The following ARHGAP1 variants were observed in gnomAD, a reference collection of about 807,000 sequenced individuals.
The protein encoded by ARHGAP1 is rho GTPase-activating protein 1.
Under a neutral mutation model 52.2 loss-of-function variants are expected in ARHGAP1, and 23 were observed. That is an observed-to-expected ratio of 0.44 (90% CI 0.32 to 0.62). The LOEUF is 0.62. Ranked by LOEUF, ARHGAP1 falls within the 20% of genes least tolerant of loss-of-function variation. The probability of loss-of-function intolerance (pLI) is 0.05; values close to 1 mark genes in which losing one functional copy is unlikely to be tolerated. For missense variants in ARHGAP1, 480 were observed against 560.9 expected (o/e 0.86, Z 1.46); for synonymous variants, 210 against 228.4 (o/e 0.92, Z 0.73).
chr11:46,686,447 C>G (rs1362707722), intron 4 of ARHGAP1, among the ~76,000 whole-genome samples: 1 of 151,820 alleles, frequency 6.6e-6, no homozygotes, highest in Non-Finnish European at 1.5e-5. Context: ...GAGACGGAGT[C>G]TCGCTCTGTC....
In ARHGAP1 at chr11:46,680,995, G is replaced by T. The variant is rs759050718; in HGVS notation, c.635+16C>A. On this transcript the variant is annotated intron_variant, in intron 7 of 12. Coordinates refer to ENST00000311956, the MANE Select transcript of ARHGAP1 (RefSeq NM_004308.5). The surrounding 1 kb of genome is among the most constrained non-coding windows in gnomAD (Gnocchi z 5.9). ...ACCCTGGCTTCACGAGCCCCCAGCC[G>T]CCGCACCCGCCTCACTTGAGCACTT... 1 of 1,611,280 alleles carries T rather than the reference G, an allele frequency of 6.2e-7. No individual in the cohort carries two copies. Among genetic ancestry groups the T allele is most frequent in the Non-Finnish European group, 8.5e-7 (1 of 1,178,300 alleles).
rs575544276 is a variant in ARHGAP1, at chr11:46,680,827, C to T, written c.636-80G>A. On this transcript the variant is annotated intron_variant, in intron 7 of 12. Coordinates refer to ENST00000311956, the MANE Select transcript of ARHGAP1 (RefSeq NM_004308.5). The surrounding 1 kb of genome is among the most constrained non-coding windows in gnomAD (Gnocchi z 5.9). ...CCAATTCAATCAAGCATTGACCACG[C>T]GGGGTCAGGAGGATCATCTCATGCG... The T allele has an allele frequency of 3.9e-4, 460 of 1,187,006 alleles. 3 individuals are homozygous for T. In the African/African-American group the frequency reaches 6.0e-3, roughly 16 times the overall value. The allele number at this position is 1,187,006 out of a possible 1,614,324, so 73.5% of individuals were successfully genotyped here.
In ARHGAP1 at chr11:46,689,447, A is replaced by G. The variant is rs369648240; in HGVS notation, c.230-1187T>C. Among the ~76,000 whole-genome samples, 55 of 152,330 alleles carry G rather than the reference A, an allele frequency of 3.6e-4. No individual in the cohort carries two copies. In the South Asian group the frequency reaches 0.011, roughly 30 times the overall value. ...AATGTTTTGGGATTAGATGGAGGTG[A>G]TAATTTTATGACATTATGCACTAAA... On this transcript the variant is annotated intron_variant, in intron 3 of 12. Coordinates refer to ENST00000311956, the MANE Select transcript of ARHGAP1 (RefSeq NM_004308.5).
intron 3 of ARHGAP1, among the ~76,000 whole-genome samples, chr11:46,692,368 G>A (rs2064620691): frequency 6.6e-6 from 1 of 152,182 alleles, no homozygotes; most frequent in Non-Finnish European, 1.5e-5. Flanking sequence ...GAGGACAATG[G>A]GGGCTACCAA....
At chr11:46,695,560 C>T (rs544921606) in intron 3 of ARHGAP1, 100 bp downstream of exon 3, 19 of 1,260,600 alleles carry the variant, frequency 1.5e-5, no homozygotes, top group African/African-American at 5.9e-5. Flanking sequence ...CCAGGGCCAG[C>T]GGTCAGACTG....
rs11418068 is a variant in ARHGAP1, at chr11:46,693,407, CTTT to C, written c.229+2250_229+2252del. On this transcript the variant is annotated intron_variant, in intron 3 of 12. Coordinates refer to ENST00000311956, the MANE Select transcript of ARHGAP1 (RefSeq NM_004308.5). ...AAGAACCACTTCACTAGACTGTAATCTTTTTTTTTTTTCTTTGAGCCAGGATCT... is the reference window on the plus strand; with the variant it reads ...AAGAACCACTTCACTAGACTGTAATCTTTTTTTTTCTTTGAGCCAGGATCT... Among the ~76,000 whole-genome samples the C allele has an allele frequency of 2.7e-5, 4 of 145,662 alleles. No homozygotes were observed. The South Asian group carries it at 8.7e-4, about 32-fold the overall frequency.
rs1217121991 is a variant in ARHGAP1 at position 46,679,033 on chromosome 11, A to G, written c.*4T>C. On this transcript the variant is annotated 3_prime_UTR_variant, in exon 13 of 13. Transcript: ENST00000311956. This position sits in a 1 kb window ranked among gnomAD's most constrained non-coding sequence, Gnocchi z 4.4. ...AGAAGGGGCTGGTGGGGCAGGGGCC[A>G]GGTTCAGAGCCCGCTGGGGTCCGGG... 1.9e-6 allele frequency: 3 copies of G among 1,613,932 alleles called. No individual in the cohort carries two copies. The highest frequency in any genetic ancestry group is 2.5e-6 in the Non-Finnish European group (3 of 1,179,936).
rs942423255 is a variant in ARHGAP1, at chr11:46,696,223, C to T, written c.-49-67G>A. The T allele has an allele frequency of 8.6e-6, 10 of 1,158,616 alleles. No individual in the cohort carries two copies. The highest frequency in any genetic ancestry group is 5.2e-5 in the East Asian group (2 of 38,734). The allele number at this position is 1,158,616 out of a possible 1,614,324, so 71.8% of individuals were successfully genotyped here. ...TTTTCACCTTCTGCGACCTCCACCG[C>T]GTGCCCTCCTGCCCCCACCATTCCC... On this transcript the variant is annotated intron_variant, in intron 1 of 12. Transcript: ENST00000311956. The surrounding 1 kb of genome is among the most constrained non-coding windows in gnomAD (Gnocchi z 4.8).
Position 46,696,569 on chromosome 11 carries a change from G to T in ARHGAP1, c.-49-413C>A, listed in dbSNP as rs1057502804. 1.3e-5 allele frequency among the ~76,000 whole-genome samples: 2 copies of T among 152,222 alleles called. No individual in the cohort carries two copies. Among genetic ancestry groups the T allele is most frequent in the East Asian group, 1.9e-4 (1 of 5,196 alleles). On this transcript the variant is annotated intron_variant, in intron 1 of 12. Transcript: ENST00000311956. This position sits in a 1 kb window ranked among gnomAD's most constrained non-coding sequence, Gnocchi z 4.8. ...TAGCAGTTACAGGGGTAGAAATGTT[G>T]TAAGAATCTAAGGAACATGCTGGGC...
At chr11:46,693,077 C>A (rs1402123018) in intron 3 of ARHGAP1, among the ~76,000 whole-genome samples, 1 of 152,154 alleles carries the variant, frequency 6.6e-6, no homozygotes, top group Non-Finnish European at 1.5e-5. Context: ...TGGTCTCGAT[C>A]TCCTGACCTC....
Position 46,680,673 on chromosome 11 carries a change from A to AG in ARHGAP1, c.709dup (p.Leu237ProfsTer74), listed in dbSNP as rs778464663. Reference sequence around the variant, plus strand: ...CGAGACTCCAAACTGCTGGTTGGGCAGGGGGGGCCGTGGGGGCATGGGCTT... The same window carrying AG: ...CGAGACTCCAAACTGCTGGTTGGGCAGGGGGGGGCCGTGGGGGCATGGGCTT... On this transcript the variant is annotated frameshift_variant, in exon 8 of 13. Coordinates refer to ENST00000311956, the MANE Select transcript of ARHGAP1 (RefSeq NM_004308.5). LOFTEE classifies it high-confidence loss of function. The surrounding 1 kb of genome is among the most constrained non-coding windows in gnomAD (Gnocchi z 5.9). 1.9e-6 allele frequency: 3 copies of AG among 1,603,684 alleles called. No individual in the cohort carries two copies. The highest frequency in any genetic ancestry group is 8.5e-7 in the Non-Finnish European group (1 of 1,173,276).
Position 46,680,486 on chromosome 11 carries a change from C to T in ARHGAP1, c.820+1G>A. 1 of 1,613,762 alleles carries T rather than the reference C, an allele frequency of 6.2e-7. No individual in the cohort carries two copies. The highest frequency in any genetic ancestry group is 8.5e-7 in the Non-Finnish European group (1 of 1,179,854). Reference sequence around the variant, plus strand: ...GGTGAGGAGGCAGGCCCGGCACTCACCGTGGGCCTGTAAGTAGGCAACAGT... The same window carrying T: ...GGTGAGGAGGCAGGCCCGGCACTCATCGTGGGCCTGTAAGTAGGCAACAGT... On this transcript the variant is annotated splice_donor_variant, in intron 9 of 12. Transcript: ENST00000311956. LOFTEE classifies it high-confidence loss of function. This position sits in a 1 kb window ranked among gnomAD's most constrained non-coding sequence, Gnocchi z 5.9.
At chr11:46,695,221 A>C (rs2064643339) in intron 3 of ARHGAP1, 1 of 345,888 alleles carries the variant, frequency 2.9e-6, no homozygotes, top group African/African-American at 2.1e-5. Flanking sequence ...CCCCCTCCCC[A>C]TTTTTGGAAA....
intron 3 of ARHGAP1, among the ~76,000 whole-genome samples, chr11:46,692,917 A>G (rs1177596324): frequency 6.7e-6 from 1 of 150,270 alleles, no homozygotes; most frequent in African/African-American, 2.5e-5. Context: ...CAGTGGCACG[A>G]TCTCCGCTCA....
Position 46,681,221 on chromosome 11 carries a change from C to T in ARHGAP1, c.536+72G>A. On this transcript the variant is annotated intron_variant, in intron 6 of 12. Coordinates refer to ENST00000311956, the MANE Select transcript of ARHGAP1 (RefSeq NM_004308.5). The surrounding 1 kb of genome is among the most constrained non-coding windows in gnomAD (Gnocchi z 5.7). Reference sequence around the variant, plus strand: ...AAGCCCAGCCGCACCTGGTGGTCCCCAGGCTGCCCAGCCTCCCAGCTTCAG... The same window carrying T: ...AAGCCCAGCCGCACCTGGTGGTCCCTAGGCTGCCCAGCCTCCCAGCTTCAG... 1.9e-6 allele frequency: 3 copies of T among 1,551,938 alleles called. No homozygotes were observed. Among genetic ancestry groups the T allele is most frequent in the Non-Finnish European group, 2.7e-6 (3 of 1,123,778 alleles).
rs1250456373 is a variant in ARHGAP1 at position 46,682,104 on chromosome 11, G to T, written c.396C>A (p.Asp132Glu). 32 of 1,614,082 alleles carry T rather than the reference G, an allele frequency of 2.0e-5. No homozygotes were observed. The highest frequency in any genetic ancestry group is 2.5e-5 in the Non-Finnish European group (30 of 1,180,034). ...GGAGCCAGCTGAGGGAGGGCTTGTT[G>T]TCGCTGGTCAGGCCGTGGTGCAGAT... is the stretch of plus-strand genomic sequence containing the variant. ...LLYLHHGLTS[D>E]NKPSLSWLRD... The change falls in exon 5 of 13, where the codon GAC becomes GAA. Residue 132 changes from aspartate to glutamate, a missense_variant. By Grantham distance (45) the Asp-to-Glu change is conservative. Coordinates refer to ENST00000311956, the MANE Select transcript of ARHGAP1 (RefSeq NM_004308.5).
In ARHGAP1 at chr11:46,696,291, C is replaced by A; in HGVS notation, c.-49-135G>T. 3.2e-6 allele frequency: 2 copies of A among 621,214 alleles called. No homozygotes were observed. Among genetic ancestry groups the A allele is most frequent in the Non-Finnish European group, 5.5e-6 (2 of 362,498 alleles). 38.5% of individuals were successfully genotyped at this position (621,214 alleles called of 1,614,324 possible). ...CCCTATTCCTCAACACTCCTCATCC[C>A]CGCCAAGAGCTCCACGTAGCTCTGG... On this transcript the variant is annotated intron_variant, in intron 1 of 12. Coordinates refer to ENST00000311956, the MANE Select transcript of ARHGAP1 (RefSeq NM_004308.5). The surrounding 1 kb of genome is among the most constrained non-coding windows in gnomAD (Gnocchi z 4.8).
Position 46,679,175 on chromosome 11 carries a change from A to G in ARHGAP1, c.1182T>C (p.Val394=). The G allele has an allele frequency of 6.2e-7, 1 of 1,613,150 alleles. No individual in the cohort carries two copies. Among genetic ancestry groups the G allele is most frequent in the South Asian group, 1.1e-5 (1 of 91,022 alleles). The change falls in exon 13 of 13, where the codon GTT becomes GTC. Residue 394 remains valine, a synonymous_variant. Transcript: ENST00000311956. This position sits in a 1 kb window ranked among gnomAD's most constrained non-coding sequence, Gnocchi z 4.4. The part of the protein sequence containing the change: ...QNKMTNTNLA[V]VFGPNLLWAK... ...CCCACAGCAGGTTAGGGCCGAAAAC[A>G]ACAGCCAGGTTAGTGTTGGTCATCT...
At chr11:46,694,429 A>G (rs1047620608) in intron 3 of ARHGAP1, among the ~76,000 whole-genome samples, 1 of 152,008 alleles carries the variant, frequency 6.6e-6, no homozygotes, top group Non-Finnish European at 1.5e-5. Flanking sequence ...CAGGACGGAC[A>G]CCTACCTGGC....
Sources: gnomAD v4.1 joint callset for allele counts (sites outside exome capture counted in the v4.1 genomes callset) on GRCh38, gnomAD v4.1.1 for gene constraint, Gnocchi (gnomAD v3.1) non-coding constraint, MANE v1.5 for transcripts, NCBI Gene and HGNC (gene_info 2026-07-23, HGNC 2026-07-21) for gene names.